CA12: variants seen among roughly 807,000 people sequenced by gnomAD.
CA12 encodes the protein carbonate dehydratase XII.
Under a neutral mutation model 46.8 loss-of-function variants are expected in CA12, and 36 were observed. That is an observed-to-expected ratio of 0.77 (90% CI 0.59 to 1.02). The LOEUF (loss-of-function observed/expected upper bound fraction) is 1.02, where lower values mean the gene tolerates loss of function less well. Ranked by LOEUF, CA12 falls within the 50% of genes least tolerant of loss-of-function variation. CA12 has a pLI of 0.00. For synonymous variants in CA12, 202 were observed against 187.0 expected (o/e 1.08, Z -0.65); for missense variants, 436 against 451.4 (o/e 0.97, Z 0.31).
At chr15:63,337,465 G>GA (rs1555429592) in intron 8 of CA12, among the ~76,000 whole-genome samples, 12 of 151,144 alleles carry the variant, frequency 7.9e-5, no homozygotes, top group African/African-American at 2.9e-4. Flanking sequence ...TTGTTTTTTG[G>GA]TTTTTTTTTG....
intron 2 of CA12, among the ~76,000 whole-genome samples, chr15:63,354,414 T>G (rs2039269704): frequency 6.6e-6 from 1 of 152,008 alleles, no homozygotes; most frequent in Admixed American, 6.5e-5. Context: ...AACTTTTGTC[T>G]AATTTTTGTT....
Position 63,372,580 on chromosome 15 carries a change from C to G in CA12, c.106+3078G>C. On this transcript the variant is annotated intron_variant, in intron 2 of 10. Transcript: ENST00000178638. The surrounding 1 kb of genome is among the most constrained non-coding windows in gnomAD (Gnocchi z 4.5). ...AAGAAGCTGAGTTCTGCACATGAGC[C>G]ACCATGCCCAGCACGGAGCCTTTGG... Among the ~76,000 whole-genome samples the G allele has an allele frequency of 6.6e-6, 1 of 152,250 alleles. No homozygotes were observed.
intron 1 of CA12, among the ~76,000 whole-genome samples, chr15:63,379,792 T>C (rs1172314478): frequency 6.6e-6 from 1 of 152,206 alleles, no homozygotes; most frequent in Non-Finnish European, 1.5e-5. Context: ...CAAGACTGCC[T>C]GGCTCTCCAC....
At chr15:63,333,831 G>A (rs901303480) in intron 8 of CA12, among the ~76,000 whole-genome samples, 5 of 152,178 alleles carry the variant, frequency 3.3e-5, no homozygotes, top group African/African-American at 9.7e-5. Context: ...GCTCTGGTGG[G>A]TGACATGCAG....
chr15:63,341,912 T>TGA lies in CA12; in HGVS notation c.525+89_525+90insTC. The TGA allele has an allele frequency of 1.1e-6, 1 of 880,064 alleles. No homozygotes were observed. The highest frequency in any genetic ancestry group is 2.2e-4 in the Middle Eastern group (1 of 4,642). 54.5% of individuals were successfully genotyped at this position (880,064 alleles called of 1,614,324 possible). ...ACGGAGTCGATACAGGAACAGCTGATTATCAACAGGTATGCATGGAACAAA... is the reference window on the plus strand; with the variant it reads ...ACGGAGTCGATACAGGAACAGCTGATGATATCAACAGGTATGCATGGAACAAA... On this transcript the variant is annotated intron_variant, in intron 5 of 10. Coordinates refer to ENST00000178638, the MANE Select transcript of CA12 (RefSeq NM_001218.5). The surrounding 1 kb of genome is among the most constrained non-coding windows in gnomAD (Gnocchi z 5.2).
At chr15:63,349,727 C>G (rs899189706) in intron 2 of CA12, among the ~76,000 whole-genome samples, 6 of 152,138 alleles carry the variant, frequency 3.9e-5, no homozygotes, top group African/African-American at 1.4e-4. Flanking sequence ...CAGTATTTAT[C>G]CAGGAGATTT....
rs944931755 is a variant in CA12, at chr15:63,372,934, C to G, written c.106+2724G>C. Among the ~76,000 whole-genome samples, 1 of 152,224 alleles carries G rather than the reference C, an allele frequency of 6.6e-6. No individual in the cohort carries two copies. The highest frequency in any genetic ancestry group is 1.9e-4 in the East Asian group (1 of 5,188). The stretch of plus-strand genomic sequence containing the variant: ...TCTGCTTCCTCAGCAAAGAGCTGCT[C>G]TAATTATGCAGGGTAGGAGGGACAG... On this transcript the variant is annotated intron_variant, in intron 2 of 10. Coordinates refer to ENST00000178638, the MANE Select transcript of CA12 (RefSeq NM_001218.5). The surrounding 1 kb of genome is among the most constrained non-coding windows in gnomAD (Gnocchi z 4.5).
rs1475816862 is a variant in CA12, at chr15:63,339,125, G to A, written c.748-180C>T. Among the ~76,000 whole-genome samples, 1 of 152,144 alleles carries A rather than the reference G, an allele frequency of 6.6e-6. No homozygotes were observed. The highest frequency in any genetic ancestry group is 1.5e-5 in the Non-Finnish European group (1 of 68,028). ...CACAGAACTGCTTCCCTCCACAGTG[G>A]GTGAGTGGGAGCTGGGCAGCGCTGG... On this transcript the variant is annotated intron_variant, in intron 7 of 10. Transcript: ENST00000178638. This position sits in a 1 kb window ranked among gnomAD's most constrained non-coding sequence, Gnocchi z 4.3.
chr15:63,361,669 T>C (rs989082724), intron 2 of CA12, among the ~76,000 whole-genome samples: 4 of 151,802 alleles, frequency 2.6e-5, no homozygotes, highest in African/African-American at 4.8e-5. Context: ...ACAGCGGAGG[T>C]TGATCTTGAT....
chr15:63,350,851 T>C (rs1489765943), intron 2 of CA12, among the ~76,000 whole-genome samples: 1 of 152,236 alleles, frequency 6.6e-6, no homozygotes, highest in Non-Finnish European at 1.5e-5. Flanking sequence ...CTGCCTCATC[T>C]ATGCTAAGCC....
chr15:63,373,163 G>A lies in CA12; in HGVS notation c.106+2495C>T, dbSNP rs1421529507. Among the ~76,000 whole-genome samples, 3 of 152,118 alleles carry A rather than the reference G, an allele frequency of 2.0e-5. No individual in the cohort carries two copies. The highest frequency in any genetic ancestry group is 2.1e-4 in the South Asian group (1 of 4,830). ...GCAGAACACTTGAGATCAGGAGTTC[G>A]AGACCAGCCTGGCCATCATGGTGAA... On this transcript the variant is annotated intron_variant, in intron 2 of 10. Coordinates refer to ENST00000178638, the MANE Select transcript of CA12 (RefSeq NM_001218.5). The surrounding 1 kb of genome is among the most constrained non-coding windows in gnomAD (Gnocchi z 4.9).
At chr15:63,356,453 G>A (rs1029115405) in intron 2 of CA12, among the ~76,000 whole-genome samples, 1 of 151,990 alleles carries the variant, frequency 6.6e-6, no homozygotes, top group African/African-American at 2.4e-5. Flanking sequence ...AACATTTATT[G>A]TTGGTGGGAA....
intron 2 of CA12, 82 bp downstream of exon 2, chr15:63,375,576 G>T: frequency 3.3e-6 from 3 of 911,296 alleles, no homozygotes; most frequent in Non-Finnish European, 5.3e-6. Flanking sequence ...CCTCCACAGA[G>T]CATGAAGTTT....
chr15:63,358,080 T>G (rs1183425893), intron 2 of CA12, among the ~76,000 whole-genome samples: 1 of 152,254 alleles, frequency 6.6e-6, no homozygotes, highest in Non-Finnish European at 1.5e-5. Context: ...GGTTATTCAT[T>G]CATAGGACTG....
At chr15:63,338,667 C>G (rs2039034138) in intron 8 of CA12, 152 bp downstream of exon 8, 3 of 981,966 alleles carry the variant, frequency 3.1e-6, no homozygotes, top group African/African-American at 3.2e-5. Flanking sequence ...AGCCCCACAC[C>G]TAGTCTCACA....
chr15:63,340,834 G>T lies in CA12; in HGVS notation c.526-51C>A. 1 of 1,539,032 alleles carries T rather than the reference G, an allele frequency of 6.5e-7. No individual in the cohort carries two copies. The highest frequency in any genetic ancestry group is 9.0e-7 in the Non-Finnish European group (1 of 1,111,840). On this transcript the variant is annotated intron_variant, in intron 5 of 10. Coordinates refer to ENST00000178638, the MANE Select transcript of CA12 (RefSeq NM_001218.5). The surrounding 1 kb of genome is among the most constrained non-coding windows in gnomAD (Gnocchi z 4.4). ...ACTGGGACAGAACAGGATAGGCTGA[G>T]CCAGGATTGACGATTGCTATCAGAA... is the stretch of plus-strand genomic sequence containing the variant.
chr15:63,364,110 C>G (rs982705670), intron 2 of CA12, among the ~76,000 whole-genome samples: 1 of 151,798 alleles, frequency 6.6e-6, no homozygotes, highest in Non-Finnish European at 1.5e-5. Context: ...TCGCTTGAAC[C>G]CTGGAGGCGG....
At chr15:63,353,469 C>T (rs2039258914) in intron 2 of CA12, among the ~76,000 whole-genome samples, 1 of 152,202 alleles carries the variant, frequency 6.6e-6, no homozygotes, top group Non-Finnish European at 1.5e-5. Context: ...GGGTCCTGCC[C>T]TGTGCCAAGG....
At chr15:63,371,417 C>T (rs2039505178) in intron 2 of CA12, among the ~76,000 whole-genome samples, 1 of 152,328 alleles carries the variant, frequency 6.6e-6, no homozygotes, top group Admixed American at 6.5e-5. Context: ...CGAGGGCTGG[C>T]CTGCCGCAAC....
Sources: gnomAD v4.1 joint callset for allele counts (sites outside exome capture counted in the v4.1 genomes callset) on GRCh38, gnomAD v4.1.1 for gene constraint, Gnocchi (gnomAD v3.1) non-coding constraint, MANE v1.5 for transcripts, NCBI Gene and HGNC (gene_info 2026-07-23, HGNC 2026-07-21) for gene names.